The following DIS3L2 variants were observed in gnomAD, a reference collection of about 807,000 sequenced individuals.
DIS3L2 encodes DIS3-like exonuclease 2.
DIS3L2 carries 34 observed loss-of-function variants against 97.5 expected under a neutral mutation model. The observed-to-expected ratio is 0.35, with a 90% CI of 0.27 to 0.46. The LOEUF (loss-of-function observed/expected upper bound fraction) is 0.46. Ranked by LOEUF, DIS3L2 falls within the 20% of genes least tolerant of loss-of-function variation. DIS3L2 has a pLI of 1.00. For synonymous variants in DIS3L2, 435 were observed against 445.2 expected, an observed-to-expected ratio of 0.98 and a Z score of 0.29; for missense variants, 1,038 against 1,146.0, an observed-to-expected ratio of 0.91 and a Z score of 1.36.
At chr2:231,984,012 G>C (rs1158566602) in intron 1 of DIS3L2, among the ~76,000 whole-genome samples, 1 of 151,794 alleles carries the variant, frequency 6.6e-6, no homozygotes, top group Non-Finnish European at 1.5e-5. Flanking sequence ...TTGTTTTTGG[G>C]CATTATTGAA....
At chr2:231,970,009 G>A (rs1692848567) in intron 1 of DIS3L2, among the ~76,000 whole-genome samples, 1 of 151,748 alleles carries the variant, frequency 6.6e-6, no homozygotes, top group African/African-American at 2.4e-5. Flanking sequence ...GCAGTGGCAT[G>A]ACTGTGGTTC....
rs1193100896 is a variant in DIS3L2, at chr2:232,335,836, T to TGGGAGCCTGAGGACATGGAGC, written c.2459_2479dup (p.Glu826_Gln827insArgGluProGluAspMetGlu). On this transcript the variant is annotated inframe_insertion, in exon 20 of 21. Coordinates refer to ENST00000325385, the MANE Select transcript of DIS3L2 (RefSeq NM_152383.5). ...CAAGAAGCCGGAACTCACGCTGGTC[T>TGGGAGCCTGAGGACATGGAGC]GGGAGCCTGAGGACATGGAGCAGGA... is the stretch of plus-strand genomic sequence containing the variant. The TGGGAGCCTGAGGACATGGAGC allele has an allele frequency of 1.3e-6, 2 of 1,550,922 alleles. No homozygotes were observed. Among genetic ancestry groups the TGGGAGCCTGAGGACATGGAGC allele is most frequent in the Admixed American group, 2.0e-5 (1 of 51,026 alleles).
At chr2:232,119,953 G>GTATCAGC (rs1378883885) in intron 6 of DIS3L2, among the ~76,000 whole-genome samples, 3 of 152,150 alleles carry the variant, frequency 2.0e-5, no homozygotes, top group African/African-American at 7.2e-5. Context: ...TATTCCTTGG[G>GTATCAGC]TATCAGCTTC....
intron 5 of DIS3L2, among the ~76,000 whole-genome samples, chr2:232,075,836 T>A (rs1696170447): frequency 6.6e-6 from 1 of 152,234 alleles, no homozygotes; most frequent in African/African-American, 2.4e-5. Context: ...TCCTTCACTT[T>A]ACTTAAGCTC....
intron 10 of DIS3L2, 29 bp from the exon 11 acceptor site, chr2:232,238,504 G>A: frequency 6.3e-7 from 1 of 1,596,384 alleles, no homozygotes; most frequent in Non-Finnish European, 8.6e-7. Context: ...TTCCACGCCA[G>A]CCTGATAGTC....
At chr2:232,122,432 A>G (rs17272005) in intron 6 of DIS3L2, among the ~76,000 whole-genome samples, 232 of 152,252 alleles carry the variant, frequency 1.5e-3, no homozygotes, top group Non-Finnish European at 2.4e-3. Context: ...ATAACTCGCT[A>G]CAGGCCAGGC....
At chr2:232,291,873 AACT>A (rs1694609675) in intron 13 of DIS3L2, among the ~76,000 whole-genome samples, 1 of 152,180 alleles carries the variant, frequency 6.6e-6, no homozygotes, top group South Asian at 2.1e-4. Flanking sequence ...GGAATTCCTA[AACT>A]TTTAAACTCA....
At chr2:232,172,790 T>C in intron 9 of DIS3L2, 1 of 533,008 alleles carries the variant, frequency 1.9e-6, no homozygotes. Flanking sequence ...ACTTGTTATC[T>C]GTATTTGTGA....
intron 13 of DIS3L2, among the ~76,000 whole-genome samples, chr2:232,279,704 T>C (rs1046197167): frequency 3.3e-5 from 5 of 152,154 alleles, no homozygotes; most frequent in Admixed American, 3.3e-4. Flanking sequence ...AATTATTTTA[T>C]ATTTTTAGTA....
chr2:232,028,597 T>C (rs982447650), intron 4 of DIS3L2, among the ~76,000 whole-genome samples: 3 of 152,184 alleles, frequency 2.0e-5, no homozygotes, highest in Non-Finnish European at 4.4e-5. Context: ...AGGCATTTCA[T>C]TGCATATGTT....
chr2:232,217,173 G>C (rs1194159415), intron 10 of DIS3L2, among the ~76,000 whole-genome samples: 1 of 152,162 alleles, frequency 6.6e-6, no homozygotes, highest in African/African-American at 2.4e-5. Flanking sequence ...AGAGAGGCAA[G>C]ACATAGTTGA....
intron 1 of DIS3L2, among the ~76,000 whole-genome samples, chr2:232,004,509 C>T (rs1693997662): frequency 6.6e-6 from 1 of 150,998 alleles, no homozygotes; most frequent in Non-Finnish European, 1.5e-5. Flanking sequence ...ATTCTTTTAC[C>T]TCTATTTTGC....
At chr2:232,248,284 C>G (rs1693319931) in intron 11 of DIS3L2, among the ~76,000 whole-genome samples, 1 of 152,162 alleles carries the variant, frequency 6.6e-6, no homozygotes, top group African/African-American at 2.4e-5. Context: ...CAGTGTTATC[C>G]ATGCTCAACA....
intron 6 of DIS3L2, among the ~76,000 whole-genome samples, chr2:232,100,144 C>A (rs893063523): frequency 1.8e-4 from 28 of 151,582 alleles, no homozygotes; most frequent in African/African-American, 6.5e-4. Flanking sequence ...CTGCCTCAGC[C>A]TCCTGACTAG....
intron 8 of DIS3L2, among the ~76,000 whole-genome samples, chr2:232,161,132 G>A (rs984233972): frequency 6.6e-6 from 1 of 152,076 alleles, no homozygotes; most frequent in Admixed American, 6.5e-5. Context: ...TGACCAGGAT[G>A]GTCTCAATCT....
chr2:232,061,772 A>G (rs189807409), intron 5 of DIS3L2, among the ~76,000 whole-genome samples: 6 of 152,272 alleles, frequency 3.9e-5, no homozygotes, highest in Non-Finnish European at 2.9e-5. Flanking sequence ...CTTTATGTGA[A>G]ATGTGAATTA....
chr2:231,998,630 A>T (rs1693793538), intron 1 of DIS3L2, among the ~76,000 whole-genome samples: 1 of 152,180 alleles, frequency 6.6e-6, no homozygotes, highest in Non-Finnish European at 1.5e-5. Context: ...TGTTTACATA[A>T]TATCTTTGAG....
chr2:231,975,634 C>T (rs983315787), intron 1 of DIS3L2, among the ~76,000 whole-genome samples: 8 of 145,584 alleles, frequency 5.5e-5, no homozygotes, highest in Non-Finnish European at 8.9e-5. Flanking sequence ...GAACCCAGGA[C>T]GCAGAGCTTG....
At chr2:232,321,497 GCCGTGGC>G (rs989259304) in intron 14 of DIS3L2, among the ~76,000 whole-genome samples, 3 of 152,174 alleles carry the variant, frequency 2.0e-5, no homozygotes, top group African/African-American at 4.8e-5. Flanking sequence ...TCCCACTGCT[GCCGTGGC>G]CCGTGGCCCA....
Sources: gnomAD v4.1 joint callset for allele counts (sites outside exome capture counted in the v4.1 genomes callset) on GRCh38, gnomAD v4.1.1 for gene constraint, MANE v1.5 for transcripts, NCBI Gene and HGNC (gene_info 2026-07-23, HGNC 2026-07-21) for gene names.